KPNA1: variants seen among roughly 807,000 people sequenced by gnomAD.
KPNA1 encodes the protein importin subunit alpha-5.
A neutral mutation model predicts 70.5 loss-of-function variants in KPNA1; 10 were observed. That is an observed-to-expected ratio of 0.14 (90% CI 0.09 to 0.24). The LOEUF (loss-of-function observed/expected upper bound fraction) is 0.24. Among genes scored for constraint, KPNA1 ranks in the 10% least tolerant of loss-of-function variants. The pLI is 1.00. For synonymous variants in KPNA1, 192 were observed against 221.9 expected, an observed-to-expected ratio of 0.87 and a Z score of 1.20; for missense variants, 397 against 637.9, an observed-to-expected ratio of 0.62 and a Z score of 4.07.
intron 3 of KPNA1, among the ~76,000 whole-genome samples, chr3:122,465,050 T>C (rs938050830): frequency 6.6e-6 from 1 of 152,164 alleles, no homozygotes; most frequent in African/African-American, 2.4e-5. Context: ...TAAGCAAATA[T>C]CTTTTTCTTC....
chr3:122,505,107 C>T (rs547743331), intron 1 of KPNA1, among the ~76,000 whole-genome samples: 13 of 151,890 alleles, frequency 8.6e-5, no homozygotes, highest in African/African-American at 2.9e-4. Context: ...AGTTCGAGAC[C>T]AGCCTGGCCA....
intron 1 of KPNA1, among the ~76,000 whole-genome samples, chr3:122,511,720 A>T (rs1432444304): frequency 6.6e-6 from 1 of 152,248 alleles, no homozygotes; most frequent in Non-Finnish European, 1.5e-5. Flanking sequence ...CTAAATTCAT[A>T]ACACCATGCA....
At chr3:122,482,968 A>G (rs772973769) in intron 2 of KPNA1, 6 of 152,650 alleles carry the variant, frequency 3.9e-5, no homozygotes, top group Non-Finnish European at 5.8e-5. Flanking sequence ...GCGCCTCTCC[A>G]CCACCAAAAT....
chr3:122,504,795 TGA>T (rs145593338), intron 1 of KPNA1, among the ~76,000 whole-genome samples: 13 of 150,818 alleles, frequency 8.6e-5, no homozygotes, highest in Non-Finnish European at 1.3e-4. Context: ...AGACTTTGGG[TGA>T]GAGAGAGAGA....
chr3:122,448,174 T>C (rs959149009), intron 9 of KPNA1, among the ~76,000 whole-genome samples: 2 of 152,162 alleles, frequency 1.3e-5, no homozygotes, highest in Non-Finnish European at 2.9e-5. Context: ...GTTCAACCAT[T>C]GTGGAAGACA....
intron 1 of KPNA1, among the ~76,000 whole-genome samples, chr3:122,504,081 C>A (rs2076860634): frequency 6.6e-6 from 1 of 152,166 alleles, no homozygotes; most frequent in Admixed American, 6.5e-5. Flanking sequence ...TAAGAATGAA[C>A]CATAATGTAA....
At chr3:122,465,935 G>A (rs1371286863) in intron 3 of KPNA1, among the ~76,000 whole-genome samples, 2 of 152,152 alleles carry the variant, frequency 1.3e-5, no homozygotes, top group South Asian at 2.1e-4. Flanking sequence ...CCAAAGACAC[G>A]AGCCACTTTC....
chr3:122,433,821 CTG>C (rs774438864), intron 11 of KPNA1, 33 bp from the exon 12 acceptor site: 285 of 1,512,176 alleles, frequency 1.9e-4, no homozygotes, highest in Non-Finnish European at 2.5e-4. Flanking sequence ...ATGGAAAAAA[CTG>C]TGAGATTTAT....
At chr3:122,438,890 C>G (rs973208566) in intron 10 of KPNA1, among the ~76,000 whole-genome samples, 10 of 152,018 alleles carry the variant, frequency 6.6e-5, no homozygotes, top group African/African-American at 2.4e-4. Context: ...TTTCATGAAA[C>G]ATGTTTTCAT....
At chr3:122,508,356 G>C (rs139393149) in intron 1 of KPNA1, among the ~76,000 whole-genome samples, 27 of 152,270 alleles carry the variant, frequency 1.8e-4, no homozygotes, top group Admixed American at 5.2e-4. Flanking sequence ...AGATCATCCA[G>C]GTACTATCCC....
chr3:122,507,219 T>C (rs187983308), intron 1 of KPNA1, among the ~76,000 whole-genome samples: 1 of 152,290 alleles, frequency 6.6e-6, no homozygotes, highest in East Asian at 1.9e-4. Flanking sequence ...GGCGGGCGGA[T>C]CACCAGAGGT....
intron 2 of KPNA1, among the ~76,000 whole-genome samples, chr3:122,481,917 A>G (rs2076575690): frequency 1.3e-5 from 2 of 152,254 alleles, no homozygotes; most frequent in South Asian, 4.1e-4. Flanking sequence ...TTTTGGGCTC[A>G]ATGAAATTTT....
intron 12 of KPNA1, among the ~76,000 whole-genome samples, chr3:122,431,541 CT>C (rs199715975): frequency 0.012 from 1,804 of 152,254 alleles, 18 homozygotes; most frequent in Non-Finnish European, 0.02. Context: ...AGATAGATGT[CT>C]TTTATAAGTG....
chr3:122,508,499 T>C (rs1388171845), intron 1 of KPNA1, among the ~76,000 whole-genome samples: 2 of 152,184 alleles, frequency 1.3e-5, no homozygotes, highest in East Asian at 3.8e-4. Context: ...TCCCTTCAAA[T>C]GGGTGCTCCA....
intron 5 of KPNA1, chr3:122,459,716 G>A: frequency 1.0e-6 from 1 of 985,462 alleles, no homozygotes. Flanking sequence ...AATGAGCATG[G>A]GAACTGGTAA....
intron 2 of KPNA1, among the ~76,000 whole-genome samples, chr3:122,479,027 A>G (rs545358867): frequency 6.6e-6 from 1 of 152,188 alleles, no homozygotes; most frequent in East Asian, 1.9e-4. Context: ...GAAATAACTG[A>G]TAAGCTCAAC....
At chr3:122,440,375 G>A (rs1050663940) in intron 10 of KPNA1, among the ~76,000 whole-genome samples, 2 of 152,210 alleles carry the variant, frequency 1.3e-5, no homozygotes, top group African/African-American at 4.8e-5. Flanking sequence ...GTCAGAGCAA[G>A]GGGTAGCAGT....
chr3:122,501,244 G>T (rs565655539), intron 1 of KPNA1, among the ~76,000 whole-genome samples: 1 of 151,958 alleles, frequency 6.6e-6, no homozygotes, highest in African/African-American at 2.4e-5. Flanking sequence ...GGCCAGGCTG[G>T]TCAACTCCTG....
chr3:122,461,895 T>C (rs577071081), intron 4 of KPNA1, among the ~76,000 whole-genome samples: 1 of 152,342 alleles, frequency 6.6e-6, no homozygotes, highest in East Asian at 1.9e-4. Context: ...GGAAATGTCA[T>C]AGACAATCAG....
Sources: allele counts gnomAD v4.1 joint callset (sites outside exome capture counted in the v4.1 genomes callset), GRCh38; gene constraint gnomAD v4.1.1; transcripts MANE v1.5; gene names NCBI Gene and HGNC (gene_info 2026-07-23, HGNC 2026-07-21).